TIAM1: variants seen among roughly 807,000 people sequenced by gnomAD.
The protein encoded by TIAM1 is rho guanine nucleotide exchange factor TIAM1.
A neutral mutation model predicts 163.5 loss-of-function variants in TIAM1; 65 were observed. The ratio of observed to expected loss-of-function variants is 0.40; its 90% CI spans 0.33 to 0.49. The LOEUF is 0.49. Among genes scored for constraint, TIAM1 ranks in the 20% least tolerant of loss-of-function variants. The pLI is 0.77. For missense variants in TIAM1, 1,789 were observed against 2,044.7 expected, an observed-to-expected ratio of 0.87 and a Z score of 2.41; for synonymous variants, 833 against 810.1, an observed-to-expected ratio of 1.03 and a Z score of -0.48.
At chr21:31,397,444 G>GA (rs539453565) in intron 2 of TIAM1, among the ~76,000 whole-genome samples, 72 of 151,822 alleles carry the variant, frequency 4.7e-4, no homozygotes, top group African/African-American at 1.7e-3. Flanking sequence ...TAATTCCTTT[G>GA]AAAAAAATTC....
intron 1 of TIAM1, among the ~76,000 whole-genome samples, chr21:31,554,682 G>A (rs1462546587): frequency 6.6e-6 from 1 of 152,106 alleles, no homozygotes; most frequent in African/African-American, 2.4e-5. Context: ...CAATTGATCG[G>A]CTCTCAGATC....
intron 22 of TIAM1, among the ~76,000 whole-genome samples, chr21:31,138,151 C>A (rs1251032015): frequency 6.6e-6 from 1 of 152,014 alleles, no homozygotes; most frequent in African/African-American, 2.4e-5. Context: ...CCGACTGAGT[C>A]AGCATTTTTA....
At chr21:31,296,714 A>G (rs1427931005) in intron 2 of TIAM1, among the ~76,000 whole-genome samples, 2 of 151,630 alleles carry the variant, frequency 1.3e-5, no homozygotes, top group African/African-American at 4.9e-5. Flanking sequence ...CCCAGGCTGG[A>G]GTGCAGTGGT....
At chr21:31,125,221 T>TA (rs397866589) in intron 26 of TIAM1, among the ~76,000 whole-genome samples, 1,409 of 137,798 alleles carry the variant, frequency 0.01, 31 homozygotes, top group East Asian at 0.099. Flanking sequence ...TTCTCATGGT[T>TA]AAAAAAAAAA....
In TIAM1 at chr21:31,327,758, T is replaced by A. The variant is rs189297435; in HGVS notation, c.-189+11485A>T. 7.3e-5 allele frequency among the ~76,000 whole-genome samples: 11 copies of A among 151,138 alleles called. No individual in the cohort carries two copies. In the East Asian group the frequency reaches 2.1e-3, roughly 29 times the overall value. ...CCACCATCACCCTGCACCAGTAGGA[T>A]CCAGACTGTGTGAGCAATAAGAAAG... is the stretch of plus-strand genomic sequence containing the variant. On this transcript the variant is annotated intron_variant, in intron 2 of 27. Transcript: ENST00000541036.
intron 11 of TIAM1, among the ~76,000 whole-genome samples, chr21:31,205,195 A>G (rs992416059): frequency 6.6e-6 from 1 of 152,252 alleles, no homozygotes; most frequent in Non-Finnish European, 1.5e-5. Flanking sequence ...GAGAGATCGA[A>G]GCTGCAAATG....
At position 31,216,528 on chromosome 21, in the gene TIAM1, C is replaced by A. The variant is rs1241178982; in HGVS notation, c.2142+1025G>T. Among the ~76,000 whole-genome samples, 3 of 152,266 alleles carry A rather than the reference C, an allele frequency of 2.0e-5. No individual in the cohort carries two copies. The East Asian group carries it at 5.8e-4, about 29-fold the overall frequency. ...GAAATCTAAACAAGCAGTTCTGGAGCTACTCATTTCTCAAAGCCGAACGAC... is the reference window on the plus strand; with the variant it reads ...GAAATCTAAACAAGCAGTTCTGGAGATACTCATTTCTCAAAGCCGAACGAC... On this transcript the variant is annotated intron_variant, in intron 9 of 27. Transcript: ENST00000541036.
At chr21:31,255,547 C>T (rs2072051104) in intron 4 of TIAM1, among the ~76,000 whole-genome samples, 1 of 152,190 alleles carries the variant, frequency 6.6e-6, no homozygotes, top group African/African-American at 2.4e-5. Flanking sequence ...CTCCCCCTAT[C>T]CCAGAAGCAC....
intron 6 of TIAM1, among the ~76,000 whole-genome samples, chr21:31,226,581 C>G (rs554684173): frequency 6.6e-6 from 1 of 152,178 alleles, no homozygotes; most frequent in Admixed American, 6.5e-5. Flanking sequence ...AAATGGTGAG[C>G]GACACCCACC....
chr21:31,321,244 C>A (rs905521370), intron 2 of TIAM1, among the ~76,000 whole-genome samples: 1 of 152,180 alleles, frequency 6.6e-6, no homozygotes, highest in African/African-American at 2.4e-5. Flanking sequence ...CATCGGCAGG[C>A]CTGCACCTCT....
Position 31,368,762 on chromosome 21 carries a change from G to T in TIAM1, c.-368-29340C>A, listed in dbSNP as rs536624634. On this transcript the variant is annotated intron_variant, in intron 2 of 28. Transcript: ENST00000286827. ...TAAGCTACATAGAGTAGCAGCAGGG[G>T]GAAATATGGCAAAACTGGTAAAATA... Among the ~76,000 whole-genome samples the T allele has an allele frequency of 3.3e-5, 5 of 152,172 alleles. No homozygotes were observed. In the South Asian group the frequency reaches 6.2e-4, roughly 19 times the overall value.
At chr21:31,453,894 A>G (rs1217638239) in intron 2 of TIAM1, among the ~76,000 whole-genome samples, 2 of 152,138 alleles carry the variant, frequency 1.3e-5, no homozygotes, top group African/African-American at 2.4e-5. Context: ...CTTCTTGCTC[A>G]GCCTGGTCCA....
intron 2 of TIAM1, among the ~76,000 whole-genome samples, chr21:31,414,961 G>C (rs35833933): frequency 0.061 from 9,277 of 152,286 alleles, 360 homozygotes; most frequent in East Asian, 0.11. Context: ...GGGAAAGTTT[G>C]TGTGGTCAGG....
At chr21:31,348,763 T>C (rs2147112825), upstream of TIAM1, among the ~76,000 whole-genome samples, 1 of 152,356 alleles carries the variant, frequency 6.6e-6, no homozygotes, top group East Asian at 1.9e-4. Context: ...GGTCTTTCTA[T>C]TCTCTGAGAG....
upstream of TIAM1, among the ~76,000 whole-genome samples, chr21:31,345,674 G>A (rs1322230167): frequency 6.6e-6 from 1 of 152,102 alleles, no homozygotes; most frequent in East Asian, 1.9e-4. Flanking sequence ...GAACAGAATG[G>A]GCACGGTGGC....
chr21:31,503,766 C>T (rs1035015554), intron 1 of TIAM1, among the ~76,000 whole-genome samples: 5 of 151,058 alleles, frequency 3.3e-5, no homozygotes, highest in South Asian at 4.3e-4. Flanking sequence ...CAGTAAAGTC[C>T]GCCCTCAGAA....
At chr21:31,261,389 C>A (rs2072466212) in intron 4 of TIAM1, among the ~76,000 whole-genome samples, 1 of 151,486 alleles carries the variant, frequency 6.6e-6, no homozygotes, top group Non-Finnish European at 1.5e-5. Flanking sequence ...GAAGAAAAGG[C>A]CCTCCTTGAT....
chr21:31,139,018 A>G (rs145334440), intron 22 of TIAM1, among the ~76,000 whole-genome samples: 8 of 152,264 alleles, frequency 5.3e-5, no homozygotes, highest in Admixed American at 5.2e-4. Flanking sequence ...TTACAATCTC[A>G]GCCCACAAAA....
chr21:31,227,081 C>T (rs1049670516), intron 6 of TIAM1, among the ~76,000 whole-genome samples: 8 of 151,700 alleles, frequency 5.3e-5, no homozygotes, highest in African/African-American at 1.5e-4. Flanking sequence ...CTCAGCCTCC[C>T]GAGTAGCTGG....
Sources: allele counts gnomAD v4.1 joint callset (sites outside exome capture counted in the v4.1 genomes callset), GRCh38; gene constraint gnomAD v4.1.1; transcripts MANE v1.5; gene names NCBI Gene and HGNC (gene_info 2026-07-23, HGNC 2026-07-21).